Variants in RASAL2 observed in about 807,000 individuals in gnomAD.
The protein encoded by RASAL2 is RAS protein activator like 2.
In RASAL2, 58 loss-of-function variants were observed where a neutral mutation model predicts 128.9. The observed-to-expected ratio is 0.45, with a 90% CI of 0.36 to 0.56. RASAL2 has a LOEUF of 0.56. RASAL2 is among the 20% of genes least tolerant of loss of function. The pLI, the probability that RASAL2 is intolerant of heterozygous loss-of-function variation, is 0.00. For missense variants in RASAL2, 1,360 were observed against 1,601.6 expected (o/e 0.85, Z 2.57); for synonymous variants, 561 against 580.8 (o/e 0.97, Z 0.49).
chr1:178,300,782 G>C (rs1341999585), intron 3 of RASAL2, among the ~76,000 whole-genome samples: 1 of 152,016 alleles, frequency 6.6e-6, no homozygotes, highest in Non-Finnish European at 1.5e-5. Context: ...TTTAATAATG[G>C]ATATTTAAAT....
chr1:178,096,655 A>G (rs1658699424), intron 1 of RASAL2, among the ~76,000 whole-genome samples: 1 of 151,828 alleles, frequency 6.6e-6, no homozygotes, highest in Non-Finnish European at 1.5e-5. Context: ...AATGCATGGT[A>G]TGTATATGTG....
chr1:178,388,792 A>G (rs1312130514), intron 3 of RASAL2, among the ~76,000 whole-genome samples: 1 of 152,226 alleles, frequency 6.6e-6, no homozygotes, highest in Non-Finnish European at 1.5e-5. Context: ...ATTTCAGTAA[A>G]TGTTTTTTCT....
At chr1:178,334,748 A>C (rs60836561) in intron 3 of RASAL2, among the ~76,000 whole-genome samples, 10,299 of 152,272 alleles carry the variant, frequency 0.068, 1,118 homozygotes, top group African/African-American at 0.23. Context: ...CCATGAGGTC[A>C]AGAGATGAAG....
rs1272200118 is a variant in RASAL2, at chr1:178,473,342, A to G, written c.*103A>G. The stretch of plus-strand genomic sequence containing the variant: ...GTTTACAGAATGTTGCTACTTCACA[A>G]TGGCGATGTGGTGAGAAACTCCTGA... On this transcript the variant is annotated 3_prime_UTR_variant, in exon 18 of 18. Transcript: ENST00000367649. The G allele has an allele frequency of 2.1e-5, 30 of 1,406,064 alleles. No homozygotes were observed. The highest frequency in any genetic ancestry group is 8.6e-5 in the African/African-American group (6 of 69,826). 87.1% of individuals were successfully genotyped at this position (1,406,064 alleles called of 1,614,324 possible).
At chr1:178,321,506 T>C (rs1668777578) in intron 3 of RASAL2, among the ~76,000 whole-genome samples, 1 of 152,096 alleles carries the variant, frequency 6.6e-6, no homozygotes, top group South Asian at 2.1e-4. Context: ...TTTTTCTTTT[T>C]TGTTTTTCTA....
chr1:178,113,424 A>T (rs1194216911), intron 1 of RASAL2, among the ~76,000 whole-genome samples: 1 of 151,500 alleles, frequency 6.6e-6, no homozygotes, highest in East Asian at 1.9e-4. Context: ...CCCACCTCAG[A>T]TTCCTTAGTA....
intron 4 of RASAL2, among the ~76,000 whole-genome samples, chr1:178,401,270 T>A (rs1673610903): frequency 1.3e-5 from 2 of 152,206 alleles, no homozygotes; most frequent in South Asian, 4.1e-4. Context: ...TTTTAATTAA[T>A]CAACATTGTG....
intron 1 of RASAL2, among the ~76,000 whole-genome samples, chr1:178,115,277 T>G (rs1432224546): frequency 6.6e-6 from 1 of 152,224 alleles, no homozygotes; most frequent in Admixed American, 6.5e-5. Flanking sequence ...TAACATAAAA[T>G]TGTTCATAAT....
At chr1:178,259,587 G>GTTTTA (rs2102125371) in intron 1 of RASAL2, among the ~76,000 whole-genome samples, 1 of 152,236 alleles carries the variant, frequency 6.6e-6, no homozygotes, top group South Asian at 2.1e-4. Flanking sequence ...GTTTTGTTTT[G>GTTTTA]TTTTTAGAGG....
intron 2 of RASAL2, among the ~76,000 whole-genome samples, chr1:178,296,920 C>T (rs1189869102): frequency 6.6e-6 from 1 of 151,962 alleles, no homozygotes; most frequent in African/African-American, 2.4e-5. Flanking sequence ...GATCTACTCA[C>T]CTCAGCCTCC....
At chr1:178,303,678 A>G (rs967761267) in intron 3 of RASAL2, among the ~76,000 whole-genome samples, 2 of 152,130 alleles carry the variant, frequency 1.3e-5, no homozygotes, top group Non-Finnish European at 2.9e-5. Context: ...TCAGTACATC[A>G]TTAAGAGAAT....
intron 1 of RASAL2, among the ~76,000 whole-genome samples, chr1:178,108,311 T>G (rs997209432): frequency 6.6e-6 from 1 of 152,182 alleles, no homozygotes; most frequent in Non-Finnish European, 1.5e-5. Context: ...GTATTGGTAT[T>G]TTTTAGATTG....
At chr1:178,357,457 A>G (rs907255432) in intron 3 of RASAL2, among the ~76,000 whole-genome samples, 2 of 151,280 alleles carry the variant, frequency 1.3e-5, no homozygotes, top group South Asian at 4.2e-4. Flanking sequence ...ATCTATTTCT[A>G]TATCAATGTC....
intron 4 of RASAL2, among the ~76,000 whole-genome samples, chr1:178,394,015 A>G (rs897367137): frequency 1.3e-5 from 2 of 152,100 alleles, no homozygotes; most frequent in African/African-American, 4.8e-5. Flanking sequence ...TTTTTTCCTT[A>G]AAGAGAGATT....
At chr1:178,221,851 G>A (rs922146843) in intron 1 of RASAL2, among the ~76,000 whole-genome samples, 1 of 152,086 alleles carries the variant, frequency 6.6e-6, no homozygotes, top group Admixed American at 6.5e-5. Context: ...TCTGATAAGA[G>A]GGCTGTTAAA....
chr1:178,236,601 A>G (rs1292646585), intron 1 of RASAL2, among the ~76,000 whole-genome samples: 1 of 152,188 alleles, frequency 6.6e-6, no homozygotes, highest in Non-Finnish European at 1.5e-5. Context: ...AAAACAAAGG[A>G]AAACAAAAAA....
intron 5 of RASAL2, among the ~76,000 whole-genome samples, chr1:178,429,792 C>T (rs1267464018): frequency 1.3e-5 from 2 of 152,052 alleles, no homozygotes; most frequent in African/African-American, 2.4e-5. Context: ...ATCTTACTGT[C>T]TCCTCTAACC....
chr1:178,268,392 CG>C (rs1270160242), intron 1 of RASAL2, among the ~76,000 whole-genome samples: 3 of 151,768 alleles, frequency 2.0e-5, no homozygotes, highest in African/African-American at 7.3e-5. Flanking sequence ...TGCTTGAACC[CG>C]GGAGGCAGAG....
chr1:178,457,715 A>T lies in RASAL2; in HGVS notation c.2423A>T (p.Asp808Val). 6.2e-7 allele frequency: 1 copy of T among 1,614,138 alleles called. No homozygotes were observed. Among genetic ancestry groups the T allele is most frequent in the Non-Finnish European group, 8.5e-7 (1 of 1,180,004 alleles). The part of the protein sequence containing the change: ...DLHKLKSPSQ[D>V]NTDSYFRGKT... ...CATAAACTAAAATCTCCAAGCCAGG[A>T]CAACACAGACAGCTACTTCAGAGGG... The change falls in exon 14 of 18, where the codon GAC (aspartate) becomes GTC (valine). Residue 808 changes from aspartate (D) to valine (V), a missense_variant. Around this residue, in one of 3 missense-constraint regions of RASAL2, gnomAD observed 741 missense variants for 868.6 expected, o/e 0.85. Coordinates refer to ENST00000367649, the MANE Select transcript of RASAL2 (RefSeq NM_170692.4).
Sources: gnomAD v4.1 joint callset for allele counts (sites outside exome capture counted in the v4.1 genomes callset) on GRCh38, gnomAD v4.1.1 for gene constraint, gnomAD v4.1.1 regional missense constraint, MANE v1.5 for transcripts, NCBI Gene and HGNC (gene_info 2026-07-23, HGNC 2026-07-21) for gene names.